Variants in RBFOX1 observed in about 807,000 individuals in gnomAD.
The protein encoded by RBFOX1 is RNA binding protein fox-1 homolog 1.
A neutral mutation model predicts 57.7 loss-of-function variants in RBFOX1; 8 were observed. The observed-to-expected ratio is 0.14, with a 90% CI of 0.08 to 0.25. The LOEUF (loss-of-function observed/expected upper bound fraction) is 0.25, where lower values mean the gene tolerates loss of function less well. Ranked by LOEUF, RBFOX1 falls within the 10% of genes least tolerant of loss-of-function variation. RBFOX1 has a pLI of 1.00. For synonymous variants in RBFOX1, 326 were observed against 222.4 expected (o/e 1.47, Z -4.15); for missense variants, 611 against 548.5 (o/e 1.11, Z -1.14).
Position 5,824,430 on chromosome 16 carries a change from TG to T in RBFOX1, c.319-42871del, listed in dbSNP as rs140073520. Among the ~76,000 whole-genome samples the T allele has an allele frequency of 4.4e-3, 674 of 152,274 alleles. 7 individuals are homozygous for T. The highest frequency in any genetic ancestry group is 0.015 in the African/African-American group (637 of 41,552). On this transcript the variant is annotated intron_variant, in intron 3 of 19. Transcript: ENST00000641259. ...CCAGTATCCAGGGCAAAAGGCTATCTGGTGTCTCCATTTGTCTCAGAAAAGC... is the reference window on the plus strand; with the variant it reads ...CCAGTATCCAGGGCAAAAGGCTATCTGTGTCTCCATTTGTCTCAGAAAAGC...
intron 4 of RBFOX1, chr16:7,304,455 G>C: frequency 2.0e-6 from 2 of 985,322 alleles, no homozygotes; most frequent in Non-Finnish European, 2.4e-6. Flanking sequence ...CCCAGCTTTC[G>C]TGTGCCTTGA....
chr16:5,941,226 A>G (rs2059271058), intron 4 of RBFOX1, among the ~76,000 whole-genome samples: 2 of 152,190 alleles, frequency 1.3e-5, no homozygotes, highest in South Asian at 2.1e-4. Context: ...GTGATTGCTC[A>G]TGTTTGTAAT....
chr16:5,995,042 C>A (rs1346726176), intron 4 of RBFOX1, among the ~76,000 whole-genome samples: 1 of 152,304 alleles, frequency 6.6e-6, no homozygotes, highest in South Asian at 2.1e-4. Flanking sequence ...TTCCTACAAC[C>A]ATGCATTGAT....
At chr16:6,132,355 G>A (rs999409539) in intron 1 of RBFOX1, among the ~76,000 whole-genome samples, 1 of 152,174 alleles carries the variant, frequency 6.6e-6, no homozygotes, top group African/African-American at 2.4e-5. Context: ...AGAATCATGC[G>A]AATGCATGAT....
intron 4 of RBFOX1, among the ~76,000 whole-genome samples, chr16:7,344,203 C>T (rs1183854904): frequency 1.4e-5 from 2 of 145,284 alleles, no homozygotes; most frequent in Non-Finnish European, 3.0e-5. Context: ...ATTCAAGCTT[C>T]GCTGTACTCT....
chr16:7,657,946 A>G (rs1048862334), intron 12 of RBFOX1, among the ~76,000 whole-genome samples: 2 of 152,246 alleles, frequency 1.3e-5, no homozygotes, highest in African/African-American at 4.8e-5. Flanking sequence ...GATTTAAGGT[A>G]AATAAGACTG....
intron 4 of RBFOX1, among the ~76,000 whole-genome samples, chr16:7,454,511 A>T (rs2058084148): frequency 1.3e-5 from 2 of 152,196 alleles, no homozygotes; most frequent in Non-Finnish European, 2.9e-5. Flanking sequence ...TTGAGTTTAT[A>T]AGGTCCAGAA....
intron 3 of RBFOX1, among the ~76,000 whole-genome samples, chr16:6,706,967 G>A (rs904105569): frequency 7.9e-5 from 12 of 152,006 alleles, no homozygotes; most frequent in African/African-American, 1.7e-4. Context: ...AATTACAAAC[G>A]TGTGGTATTT....
chr16:7,016,900 C>T (rs964051286), intron 3 of RBFOX1, among the ~76,000 whole-genome samples: 5 of 152,124 alleles, frequency 3.3e-5, no homozygotes, highest in African/African-American at 9.7e-5. Flanking sequence ...ACCCTGTGTA[C>T]CAACCTTGAA....
At chr16:6,823,449 G>T (rs544714972) in intron 3 of RBFOX1, among the ~76,000 whole-genome samples, 2 of 152,018 alleles carry the variant, frequency 1.3e-5, no homozygotes, top group South Asian at 4.2e-4. Flanking sequence ...TAGAGATGGG[G>T]TTTTGCCATG....
At chr16:6,939,183 G>C (rs1208896417) in intron 3 of RBFOX1, among the ~76,000 whole-genome samples, 2 of 152,126 alleles carry the variant, frequency 1.3e-5, no homozygotes, top group Non-Finnish European at 1.5e-5. Flanking sequence ...TCAGGCCAAT[G>C]AAGAGAAAAA....
At chr16:7,652,196 A>G (rs143106044) in intron 11 of RBFOX1, among the ~76,000 whole-genome samples, 1 of 152,122 alleles carries the variant, frequency 6.6e-6, no homozygotes, top group East Asian at 1.9e-4. Flanking sequence ...AAGCCAACTG[A>G]ACTTAAAGGC....
chr16:5,571,374 C>T (rs886389103), intron 2 of RBFOX1, among the ~76,000 whole-genome samples: 4 of 151,858 alleles, frequency 2.6e-5, no homozygotes, highest in African/African-American at 9.7e-5. Flanking sequence ...GTGCACACCA[C>T]CACGCCCAGC....
intron 3 of RBFOX1, among the ~76,000 whole-genome samples, chr16:6,673,621 T>A (rs1254645718): frequency 6.6e-6 from 1 of 151,996 alleles, no homozygotes; most frequent in African/African-American, 2.4e-5. Context: ...TATATAGATA[T>A]GTATTGAACA....
chr16:6,238,152 A>G (rs888779380), intron 1 of RBFOX1, among the ~76,000 whole-genome samples: 1 of 152,068 alleles, frequency 6.6e-6, no homozygotes. Context: ...GGAATTAGAA[A>G]TGTCTGTGAA....
intron 4 of RBFOX1, among the ~76,000 whole-genome samples, chr16:6,003,120 A>G (rs904341031): frequency 3.3e-5 from 5 of 152,118 alleles, no homozygotes; most frequent in Non-Finnish European, 5.9e-5. Context: ...TCTACTAAAA[A>G]TACAAAAAAT....
intron 7 of RBFOX1, among the ~76,000 whole-genome samples, chr16:7,591,489 A>G (rs1327850040): frequency 1.3e-5 from 2 of 152,258 alleles, no homozygotes; most frequent in Non-Finnish European, 2.9e-5. Flanking sequence ...TAACTAGGAT[A>G]CAAGAGGATC....
At chr16:7,660,223 T>A (rs1247335993) in intron 12 of RBFOX1, among the ~76,000 whole-genome samples, 1 of 152,234 alleles carries the variant, frequency 6.6e-6, no homozygotes, top group Non-Finnish European at 1.5e-5. Context: ...ACTACTGGTA[T>A]TACTTTTCTA....
intron 3 of RBFOX1, among the ~76,000 whole-genome samples, chr16:6,861,834 T>TGG (rs1428632267): frequency 2.7e-5 from 4 of 149,834 alleles, no homozygotes; most frequent in East Asian, 3.9e-4. Context: ...TTTTTTTTTT[T>TGG]TTTTTTTTTT....
Sources: gnomAD v4.1 joint callset for allele counts (sites outside exome capture counted in the v4.1 genomes callset) on GRCh38, gnomAD v4.1.1 for gene constraint, MANE v1.5 for transcripts, NCBI Gene and HGNC (gene_info 2026-07-23, HGNC 2026-07-21) for gene names.